ZNF595: variants seen among roughly 807,000 people sequenced by gnomAD.
ZNF595 encodes the protein zinc finger protein 595.
In ZNF595, 9 loss-of-function variants were observed where a neutral mutation model predicts 19.4. The ratio of observed to expected loss-of-function variants is 0.46; its 90% CI spans 0.28 to 0.81. The LOEUF is 0.81. Among genes scored for constraint, ZNF595 ranks in the 30% least tolerant of loss-of-function variants. ZNF595 has a pLI of 0.11. For missense variants in ZNF595, 729 were observed against 736.0 expected, an observed-to-expected ratio of 0.99 and a Z score of 0.11; for synonymous variants, 255 against 255.9, an observed-to-expected ratio of 1.00 and a Z score of 0.03.
chr4:71,235 GT>G (rs556802168), intron 3 of ZNF595, among the ~76,000 whole-genome samples: 1 of 151,932 alleles, frequency 6.6e-6, no homozygotes, highest in Non-Finnish European at 1.5e-5. Flanking sequence ...AGTTAATTAG[GT>G]TTTTTTCAAA....
intron 3 of ZNF595, among the ~76,000 whole-genome samples, chr4:66,972 T>C (rs1581333091): frequency 6.8e-6 from 1 of 146,494 alleles, no homozygotes; most frequent in Non-Finnish European, 1.5e-5. Context: ...TTTCACAAAG[T>C]ATTATTTTTA....
chr4:80,189 A>G (rs1475369445), intron 3 of ZNF595, among the ~76,000 whole-genome samples: 1 of 152,044 alleles, frequency 6.6e-6, no homozygotes, highest in Non-Finnish European at 1.5e-5. Context: ...TGCCCGGCTA[A>G]TTTTGTATTT....
intron 3 of ZNF595, among the ~76,000 whole-genome samples, chr4:63,176 C>T (rs1581326266): frequency 7.0e-6 from 1 of 143,746 alleles, no homozygotes; most frequent in East Asian, 2.0e-4. Flanking sequence ...GTTTTTGTAT[C>T]TGTTTTTATG....
chr4:87,099 A>C lies in ZNF595; in HGVS notation c.1595A>C (p.Glu532Ala), dbSNP rs782638913. ...GLIIHRSIHS[E>A]QKLYKCEECG... The stretch of plus-strand genomic sequence containing the variant: ...ATTATACACAGGAGCATTCATTCTG[A>C]ACAAAAACTTTACAAATGTGAAGAA... Residue 532 changes from glutamate (E) to alanine (A), a missense_variant, in exon 4 of 4, where the codon GAA becomes GCA. Glu to Ala is a moderately radical substitution (Grantham distance 107). Around this residue, in one of 2 missense-constraint regions of ZNF595, gnomAD observed 729 missense variants for 675.3 expected, o/e 1.08. Coordinates refer to ENST00000610261, the MANE Select transcript of ZNF595 (RefSeq NM_182524.4). 6.2e-7 allele frequency: 1 copy of C among 1,612,040 alleles called. No individual in the cohort carries two copies. Among genetic ancestry groups the C allele is most frequent in the East Asian group, 2.2e-5 (1 of 44,726 alleles).
chr4:84,143 A>G (rs1714039011), intron 3 of ZNF595, among the ~76,000 whole-genome samples: 1 of 152,196 alleles, frequency 6.6e-6, no homozygotes, highest in Admixed American at 6.5e-5. Flanking sequence ...CACTAATTAT[A>G]TTTTTATGTT....
Position 84,387 on chromosome 4 carries a change from GGCAGGTGTTGTGCTAA to G in ZNF595, c.227-1343_227-1328del, listed in dbSNP as rs1210075690. On this transcript the variant is annotated intron_variant, in intron 3 of 3. Transcript: ENST00000610261. Reference sequence around the variant, plus strand: ...ACTTTCTTCAGCATTTCTTTTCTAAGGCAGGTGTTGTGCTAATACACTTTTTCAACATTTGGTTATC... The same window carrying G: ...ACTTTCTTCAGCATTTCTTTTCTAAGTACACTTTTTCAACATTTGGTTATC... 4.6e-5 allele frequency among the ~76,000 whole-genome samples: 7 copies of G among 152,182 alleles called. No homozygotes were observed. In the South Asian group the frequency reaches 6.2e-4, roughly 14 times the overall value.
intron 3 of ZNF595, among the ~76,000 whole-genome samples, chr4:62,035 G>A (rs1174934843): frequency 1.6e-5 from 2 of 128,882 alleles, no homozygotes; most frequent in African/African-American, 6.1e-5. Context: ...GAACACTTGA[G>A]GTCTACTGTT....
In ZNF595 at chr4:85,927, G is replaced by C; in HGVS notation, c.423G>C (p.Gln141His). Residue 141 changes from glutamine to histidine, a missense_variant, in exon 4 of 4, where the codon CAG becomes CAC. Physicochemically the swap from Gln to His is conservative, Grantham distance 24 (BLOSUM62 0). Transcript: ENST00000610261. ...TTTACCAGTGCTTGTCAACTACCCA[G>C]AGCAAAATATTTCAATGTAATACAT... ...NGVYQCLSTT[Q>H]SKIFQCNTCV... 1 of 1,613,678 alleles carries C rather than the reference G, an allele frequency of 6.2e-7. No homozygotes were observed. Among genetic ancestry groups the C allele is most frequent in the Admixed American group, 1.7e-5 (1 of 59,926 alleles).
chr4:83,184 GAAATGGGAGT>G (rs1202301756), intron 3 of ZNF595, among the ~76,000 whole-genome samples: 4 of 152,090 alleles, frequency 2.6e-5, no homozygotes, highest in African/African-American at 9.7e-5. Context: ...TAAGTTTTAT[GAAATGGGAGT>G]TTTTGACTTT....
At chr4:70,699 CTG>C (rs1179236148) in intron 3 of ZNF595, among the ~76,000 whole-genome samples, 1 of 152,180 alleles carries the variant, frequency 6.6e-6, no homozygotes, top group African/African-American at 2.4e-5. Flanking sequence ...GGGTTTATAT[CTG>C]TGTTCTCTCT....
At chr4:74,105 C>G (rs534971528) in intron 3 of ZNF595, among the ~76,000 whole-genome samples, 112 of 151,948 alleles carry the variant, frequency 7.4e-4, no homozygotes, top group African/African-American at 2.5e-3. Context: ...CTCAGGGGTT[C>G]GACACCAGCC....
chr4:75,886 C>A (rs1464631843), intron 3 of ZNF595, among the ~76,000 whole-genome samples: 1 of 149,928 alleles, frequency 6.7e-6, no homozygotes, highest in Admixed American at 6.7e-5. Context: ...TTTAAGATAA[C>A]AATTTAACTT....
chr4:82,386 T>TG (rs1560092329), intron 3 of ZNF595, among the ~76,000 whole-genome samples: 2 of 116,660 alleles, frequency 1.7e-5, no homozygotes, highest in Non-Finnish European at 3.5e-5. Flanking sequence ...TTTTTTTTTT[T>TG]TTTTTTTTTT....
In ZNF595 at chr4:87,362, T is replaced by C; in HGVS notation, c.1858T>C (p.Tyr620His). The C allele has an allele frequency of 1.2e-6, 2 of 1,613,594 alleles. No homozygotes were observed. Among genetic ancestry groups the C allele is most frequent in the Non-Finnish European group, 1.7e-6 (2 of 1,179,812 alleles). ...GATAATTCATACTGGAGAGAAATCC[T>C]ACAAATGTGAAGAATGTGGCAAAGC... is the stretch of plus-strand genomic sequence containing the variant. ...HKIIHTGEKSYKCEECGKAFN... is the reference protein window; with the variant it reads ...HKIIHTGEKSHKCEECGKAFN... Residue 620 changes from tyrosine to histidine, a missense_variant, in exon 4 of 4, where the codon TAC (tyrosine) becomes CAC (histidine). Physicochemically the swap from Tyr to His is moderately conservative, Grantham distance 83. Coordinates refer to ENST00000610261, the MANE Select transcript of ZNF595 (RefSeq NM_182524.4).
rs1321264417 is a variant in ZNF595, at chr4:85,659, G to A, written c.227-72G>A. ...ACTAATGCAGTTTGTATACATTTTC[G>A]ATATTACATTCGTAAAGTATATTCA... On this transcript the variant is annotated intron_variant, in intron 3 of 3. Transcript: ENST00000610261. 3.6e-5 allele frequency: 53 copies of A among 1,453,798 alleles called. No individual in the cohort carries two copies. In the Admixed American group the frequency reaches 6.1e-4, roughly 17 times the overall value. 90.1% of individuals were successfully genotyped at this position (1,453,798 alleles called of 1,614,324 possible). A position where few individuals can be genotyped will look rare whatever the true frequency, so the allele number is the denominator to read the frequency against.
chr4:80,965 A>G (rs1553799788), intron 3 of ZNF595, among the ~76,000 whole-genome samples: 1 of 151,998 alleles, frequency 6.6e-6, no homozygotes, highest in African/African-American at 2.4e-5. Flanking sequence ...ATTTGTCCTA[A>G]TGCTCTCCCT....
chr4:79,225 T>C (rs182490310), intron 3 of ZNF595, among the ~76,000 whole-genome samples: 95 of 152,344 alleles, frequency 6.2e-4, no homozygotes, highest in Admixed American at 4.6e-3. Context: ...TCTCATTTTA[T>C]TTAAGGTAAT....
At chr4:82,371 G>GTTTTTTTTTTTTTTTT (rs1560092266) in intron 3 of ZNF595, among the ~76,000 whole-genome samples, 9 of 97,710 alleles carry the variant, frequency 9.2e-5, no homozygotes, top group African/African-American at 2.9e-4. Context: ...TTTGGTTTGT[G>GTTTTTTTTTTTTTTTT]GTTTTTTTTT....
chr4:72,039 C>A (rs1713453466), intron 3 of ZNF595, among the ~76,000 whole-genome samples: 2 of 152,120 alleles, frequency 1.3e-5, no homozygotes, highest in South Asian at 4.1e-4. Context: ...CCTAACTTGC[C>A]ACTTGAGTCA....
Sources: allele counts gnomAD v4.1 joint callset (sites outside exome capture counted in the v4.1 genomes callset), GRCh38; gene constraint gnomAD v4.1.1; regional missense constraint gnomAD v4.1.1; transcripts MANE v1.5; gene names NCBI Gene and HGNC (gene_info 2026-07-23, HGNC 2026-07-21).